Variants in CDH12 observed in about 807,000 individuals in gnomAD.
The protein encoded by CDH12 is cadherin-12.
A neutral mutation model predicts 74.1 loss-of-function variants in CDH12; 41 were observed. That is an observed-to-expected ratio of 0.55 (90% CI 0.43 to 0.72). CDH12 has a LOEUF of 0.72. Among genes scored for constraint, CDH12 ranks in the 30% least tolerant of loss-of-function variants. CDH12 has a pLI of 0.00. For missense variants in CDH12, 945 were observed against 977.2 expected, an observed-to-expected ratio of 0.97 and a Z score of 0.44; for synonymous variants, 399 against 355.0, an observed-to-expected ratio of 1.12 and a Z score of -1.39.
rs1752257861 is a variant in CDH12 at position 21,880,616 on chromosome 5, C to CTTCTTTCTCTCTTTCTTTCT, written c.527-25827_527-25826insAGAAAGAAAGAGAGAAAGAA. The stretch of plus-strand genomic sequence containing the variant: ...CCTTCCTTCCTTCCTTCCTTCCTTC[C>CTTCTTTCTCTCTTTCTTTCT]TTCTTTCTTTCTTTCTTTCTTTCTT... On this transcript the variant is annotated intron_variant, in intron 6 of 14. Transcript: ENST00000382254. 1.6e-4 allele frequency among the ~76,000 whole-genome samples: 8 copies of CTTCTTTCTCTCTTTCTTTCT among 50,808 alleles called. 1 individual carries two copies. The highest frequency in any genetic ancestry group is 7.0e-4 in the African/African-American group (8 of 11,368). 33.3% of individuals were successfully genotyped at this position (50,808 alleles called of 152,430 possible). A position where few individuals can be genotyped will look rare whatever the true frequency, so the allele number is the denominator to read the frequency against.
At chr5:22,666,280 A>ATTTTTTT (rs1740609513) in intron 1 of CDH12, among the ~76,000 whole-genome samples, 1 of 115,084 alleles carries the variant, frequency 8.7e-6, no homozygotes, top group African/African-American at 3.5e-5. Flanking sequence ...GTATCTCTCT[A>ATTTTTTT]TCTTTTTTTT....
chr5:22,508,748 C>A (rs1736493863), intron 1 of CDH12, among the ~76,000 whole-genome samples: 2 of 152,094 alleles, frequency 1.3e-5, no homozygotes, highest in Non-Finnish European at 1.5e-5. Context: ...CTGGAAACCA[C>A]CCCCTCCCGC....
chr5:22,282,111 A>T (rs752310918), intron 3 of CDH12, among the ~76,000 whole-genome samples: 1 of 152,210 alleles, frequency 6.6e-6, no homozygotes, highest in South Asian at 2.1e-4. Context: ...CAACCATCTG[A>T]TCTTTGACAA....
At chr5:22,703,594 T>C (rs994159656) in intron 1 of CDH12, among the ~76,000 whole-genome samples, 3 of 152,178 alleles carry the variant, frequency 2.0e-5, no homozygotes, top group Non-Finnish European at 4.4e-5. Context: ...TAACTCCACA[T>C]AATAGTTCAG....
At chr5:22,037,355 CA>C (rs1157378384) in intron 5 of CDH12, among the ~76,000 whole-genome samples, 1 of 152,138 alleles carries the variant, frequency 6.6e-6, no homozygotes, top group East Asian at 1.9e-4. Context: ...ACTATGAAAA[CA>C]AAGAACCAGA....
intron 1 of CDH12, among the ~76,000 whole-genome samples, chr5:22,658,869 G>C (rs190046783): frequency 6.6e-6 from 1 of 152,166 alleles, no homozygotes; most frequent in Non-Finnish European, 1.5e-5. Flanking sequence ...GAAGGAAATA[G>C]TCTTCCATCA....
intron 3 of CDH12, among the ~76,000 whole-genome samples, chr5:22,396,751 G>A (rs1291511363): frequency 6.6e-6 from 1 of 152,054 alleles, no homozygotes; most frequent in Non-Finnish European, 1.5e-5. Flanking sequence ...GTTGGAGGAA[G>A]TTTCAGCATT....
chr5:21,751,649 T>C lies in CDH12; in HGVS notation c.*88A>G, dbSNP rs879185582. On this transcript the variant is annotated 3_prime_UTR_variant, in exon 15 of 15. Coordinates refer to ENST00000382254, the MANE Select transcript of CDH12 (RefSeq NM_004061.5). ...GTGTGTGTTTGTGTGTGTGTGTGTG[T>C]GTGAGAGAGATTTCTATTAATATTT... 2 of 957,220 alleles carry C rather than the reference T, an allele frequency of 2.1e-6. No individual in the cohort carries two copies. The highest frequency in any genetic ancestry group is 3.2e-6 in the Non-Finnish European group (2 of 627,824). The allele number at this position is 957,220 out of a possible 1,614,324, so 59.3% of individuals were successfully genotyped here.
At chr5:22,088,533 A>G (rs1171411135) in intron 4 of CDH12, among the ~76,000 whole-genome samples, 1 of 152,156 alleles carries the variant, frequency 6.6e-6, no homozygotes, top group African/African-American at 2.4e-5. Context: ...TTAAAAAGGG[A>G]AGGTATCACT....
chr5:22,153,112 T>C lies in CDH12; in HGVS notation c.-187+59386A>G, dbSNP rs186940042. Among the ~76,000 whole-genome samples, 101 of 151,886 alleles carry C rather than the reference T, an allele frequency of 6.6e-4. No homozygotes were observed. The South Asian group carries it at 8.7e-3, about 13-fold the overall frequency. ...TTACAGGGTGGTGATTTATTTTTCT[T>C]TGGATATATATACCCAGAAGAGAAA... On this transcript the variant is annotated intron_variant, in intron 4 of 14. Coordinates refer to ENST00000382254, the MANE Select transcript of CDH12 (RefSeq NM_004061.5).
intron 3 of CDH12, among the ~76,000 whole-genome samples, chr5:22,236,506 G>A (rs1475930775): frequency 6.6e-6 from 1 of 151,872 alleles, no homozygotes; most frequent in African/African-American, 2.4e-5. Flanking sequence ...GCCGAGGTGG[G>A]CAGATCACTT....
intron 1 of CDH12, among the ~76,000 whole-genome samples, chr5:22,508,050 G>T (rs1037678242): frequency 5.9e-5 from 9 of 151,932 alleles, no homozygotes; most frequent in African/African-American, 1.2e-4. Context: ...TATAATTTGG[G>T]CCTATTCAGC....
intron 4 of CDH12, among the ~76,000 whole-genome samples, chr5:22,152,893 T>C (rs1347937306): frequency 6.6e-6 from 1 of 152,192 alleles, no homozygotes; most frequent in Non-Finnish European, 1.5e-5. Context: ...CTTATTTCAC[T>C]TAACGTAACG....
chr5:22,659,509 A>G (rs1740235097), intron 1 of CDH12, among the ~76,000 whole-genome samples: 1 of 152,164 alleles, frequency 6.6e-6, no homozygotes, highest in African/African-American at 2.4e-5. Flanking sequence ...AGCTAGAATC[A>G]AAGTCATACC....
At chr5:22,077,290 T>A (rs1261376176) in intron 5 of CDH12, among the ~76,000 whole-genome samples, 1 of 152,192 alleles carries the variant, frequency 6.6e-6, no homozygotes, top group African/African-American at 2.4e-5. Flanking sequence ...TAATTTAATA[T>A]CCTTTAAATA....
At position 22,735,841 on chromosome 5, in the gene CDH12, C is replaced by T. The variant is rs75767384; in HGVS notation, c.-523+117217G>A. On this transcript the variant is annotated intron_variant, in intron 1 of 14. Coordinates refer to ENST00000382254, the MANE Select transcript of CDH12 (RefSeq NM_004061.5). The stretch of plus-strand genomic sequence containing the variant: ...GTCATCTTGGGCTTTGGTGTATCAA[C>T]ATACTTGTTGGAGTTATTGAAAATT... Among the ~76,000 whole-genome samples the T allele has an allele frequency of 7.5e-3, 1,136 of 151,926 alleles. 11 individuals are homozygous for T. Among genetic ancestry groups the T allele is most frequent in the African/African-American group, 0.026 (1,060 of 41,482 alleles).
chr5:22,421,946 G>A (rs1279788073), intron 2 of CDH12, among the ~76,000 whole-genome samples: 2 of 152,190 alleles, frequency 1.3e-5, no homozygotes, highest in Admixed American at 6.5e-5. Flanking sequence ...CAGTGATGAT[G>A]AGCTTTTTTT....
chr5:22,509,995 T>A (rs1736535248), intron 1 of CDH12, among the ~76,000 whole-genome samples: 1 of 151,362 alleles, frequency 6.6e-6, no homozygotes, highest in African/African-American at 2.4e-5. Flanking sequence ...GACCCTAGAT[T>A]CCATAACAAG....
intron 4 of CDH12, among the ~76,000 whole-genome samples, chr5:22,193,101 T>C (rs1407590425): frequency 2.0e-5 from 3 of 152,208 alleles, no homozygotes; most frequent in Non-Finnish European, 4.4e-5. Context: ...TTTTAACAAA[T>C]GTATTTTAGC....
Sources: allele counts gnomAD v4.1 joint callset (sites outside exome capture counted in the v4.1 genomes callset), GRCh38; gene constraint gnomAD v4.1.1; transcripts MANE v1.5; gene names NCBI Gene and HGNC (gene_info 2026-07-23, HGNC 2026-07-21).